MTMR4: variants seen among roughly 807,000 people sequenced by gnomAD.
The protein encoded by MTMR4 is myotubularin related protein 4.
MTMR4 carries 30 observed loss-of-function variants against 125.5 expected under a neutral mutation model. That is an observed-to-expected ratio of 0.24 (90% CI 0.18 to 0.32). The LOEUF is 0.32. MTMR4 is among the 10% of genes least tolerant of loss of function. MTMR4 has a pLI of 1.00. For missense variants in MTMR4, 1,039 were observed against 1,511.5 expected, an observed-to-expected ratio of 0.69 and a Z score of 5.18; for synonymous variants, 498 against 564.5, an observed-to-expected ratio of 0.88 and a Z score of 1.67.
upstream of MTMR4, among the ~76,000 whole-genome samples, chr17:58,517,301 A>G (rs750567891): frequency 2.0e-5 from 3 of 152,232 alleles, no homozygotes; most frequent in Non-Finnish European, 4.4e-5. Flanking sequence ...CAGGGATTTC[A>G]GGATAGGGCC....
intron 14 of MTMR4, among the ~76,000 whole-genome samples, chr17:58,497,459 C>T (rs988895119): frequency 5.9e-5 from 9 of 152,126 alleles, no homozygotes; most frequent in African/African-American, 2.2e-4. Flanking sequence ...AACTTCTCTA[C>T]GCCTCAGATC....
chr17:58,494,320 C>CAAAAAA (rs59888430), intron 15 of MTMR4, among the ~76,000 whole-genome samples: 2 of 88,964 alleles, frequency 2.2e-5, no homozygotes, highest in Non-Finnish European at 4.4e-5. Flanking sequence ...GACTCCGTCT[C>CAAAAAA]AAAAAAAAAA....
chr17:58,499,232 C>CT (rs778066614), intron 14 of MTMR4, among the ~76,000 whole-genome samples: 97 of 143,596 alleles, frequency 6.8e-4, no homozygotes, highest in South Asian at 1.8e-3. Flanking sequence ...CACAGAACTT[C>CT]TTTTTTTTTT....
chr17:58,512,882 C>T lies in MTMR4; in HGVS notation c.105G>A (p.Lys35=), dbSNP rs1450164174. 1.9e-6 allele frequency: 3 copies of T among 1,612,902 alleles called. No individual in the cohort carries two copies. In the South Asian group the frequency reaches 3.3e-5, roughly 18 times the overall value. ...GATTCTCTTCCTCCTTCACTAGTTC[C>T]TTGGGGGGGAACAGATCCTTGGCTT... ...YIQAKDLFPP[K]ELVKEEENLQ... Residue 35 remains lysine, a synonymous_variant, in exon 2 of 18, where the codon AAG becomes AAA. Coordinates refer to ENST00000682306, the MANE Select transcript of MTMR4 (RefSeq NM_001378067.1). This position sits in a 1 kb window ranked among gnomAD's most constrained non-coding sequence, Gnocchi z 4.1.
chr17:58,517,934 T>C (rs1451524004), upstream of MTMR4: 2 of 152,800 alleles, frequency 1.3e-5, no homozygotes, highest in African/African-American at 2.4e-5. Context: ...ACCAATCATA[T>C]CTCTAGCCTG....
At chr17:58,516,356 C>T (rs1308985577), upstream of MTMR4, among the ~76,000 whole-genome samples, 1 of 152,200 alleles carries the variant, frequency 6.6e-6, no homozygotes, top group Non-Finnish European at 1.5e-5. Context: ...GGGCCTAGCA[C>T]ATGCAGAAAA....
chr17:58,497,853 A>T (rs1475036396), intron 14 of MTMR4, among the ~76,000 whole-genome samples: 2 of 148,786 alleles, frequency 1.3e-5, no homozygotes, highest in Non-Finnish European at 3.0e-5. Flanking sequence ...AGTGGGGCCT[A>T]GGGATCTGTA....
chr17:58,498,455 T>C (rs1186180552), intron 14 of MTMR4, among the ~76,000 whole-genome samples: 1 of 146,078 alleles, frequency 6.8e-6, no homozygotes, highest in African/African-American at 2.5e-5. Flanking sequence ...GGATTTGAGA[T>C]GGGTATAGAA....
intron 9 of MTMR4, among the ~76,000 whole-genome samples, chr17:58,505,974 G>A (rs1313863940): frequency 6.6e-6 from 1 of 152,190 alleles, no homozygotes; most frequent in Non-Finnish European, 1.5e-5. Flanking sequence ...TGGTCCTGGT[G>A]GACAAAGCTT....
chr17:58,502,520 A>T (rs1434742508), intron 14 of MTMR4, among the ~76,000 whole-genome samples: 1 of 3,938 alleles, frequency 2.5e-4, no homozygotes, highest in Non-Finnish European at 3.5e-4. Context: ...CTGTAATGAT[A>T]AAAAAAAAAA....
At chr17:58,516,625 G>T, upstream of MTMR4, 1 of 1,613,162 alleles carries the variant, frequency 6.2e-7, no homozygotes, top group Non-Finnish European at 8.5e-7. Flanking sequence ...CTCACTGTAA[G>T]GAGACAGAGG....
At chr17:58,498,148 T>C (rs1975520892) in intron 14 of MTMR4, among the ~76,000 whole-genome samples, 1 of 151,986 alleles carries the variant, frequency 6.6e-6, no homozygotes, top group South Asian at 2.1e-4. Flanking sequence ...TGAGAATCGC[T>C]TGAACCTGGG....
Position 58,512,894 on chromosome 17 carries a change from C to G in MTMR4, c.93G>C (p.Leu31=). 2 of 1,612,106 alleles carry G rather than the reference C, an allele frequency of 1.2e-6. No individual in the cohort carries two copies. Among genetic ancestry groups the G allele is most frequent in the Non-Finnish European group, 1.7e-6 (2 of 1,179,264 alleles). The change falls in exon 2 of 18, where the codon CTG becomes CTC. Residue 31 remains leucine (L), a synonymous_variant. Coordinates refer to ENST00000682306, the MANE Select transcript of MTMR4 (RefSeq NM_001378067.1). This position sits in a 1 kb window ranked among gnomAD's most constrained non-coding sequence, Gnocchi z 4.1. ...PSLEYIQAKD[L]FPPKELVKEE... ...CCTTCACTAGTTCCTTGGGGGGGAA[C>G]AGATCCTTGGCTTGGATGTACTCCA...
Position 58,514,368 on chromosome 17 carries a change from A to C in MTMR4, c.40T>G (p.Cys14Gly). ...TARVSCSMLSCFGEEGPPSLE... is the reference protein window; with the variant it reads ...TARVSCSMLSGFGEEGPPSLE... ...AAGGCAGGGTGGGCACTTACGAAGC[A>C]GCTAAGCATGGAGCAGGAGACGCGG... The change falls in exon 1 of 18, where the codon TGC becomes GGC. Residue 14 changes from cysteine to glycine, a missense_variant. Transcript: ENST00000682306. 1.0e-6 allele frequency: 1 copy of C among 987,756 alleles called. No individual in the cohort carries two copies. The highest frequency in any genetic ancestry group is 1.2e-6 in the Non-Finnish European group (1 of 830,736). 61.2% of individuals were successfully genotyped at this position (987,756 alleles called of 1,614,324 possible). A position where few individuals can be genotyped will look rare whatever the true frequency, so the allele number is the denominator to read the frequency against.
intron 15 of MTMR4, among the ~76,000 whole-genome samples, chr17:58,494,513 GTC>G (rs1975400505): frequency 6.6e-6 from 1 of 152,062 alleles, no homozygotes; most frequent in Non-Finnish European, 1.5e-5. Context: ...CTATTTGACT[GTC>G]TCTCATAGCC....
In MTMR4 at chr17:58,512,409, A is replaced by G; in HGVS notation, c.233T>C (p.Phe78Ser). ...ACTCACGTTGATGACAGAGTCCTTG[A>G]ATTTGATATGCAGCCGGTAGTTAGA... ...AISNYRLHIK[F>S]KDSVINVPLR... is the part of the protein sequence containing the mutation. Residue 78 changes from phenylalanine (F) to serine (S), a missense_variant, in exon 3 of 18, where the codon TTC (phenylalanine) becomes TCC (serine). Phe to Ser is a radical substitution (Grantham distance 155). Around this residue, in one of 6 missense-constraint regions of MTMR4, gnomAD observed 202 missense variants for 311.9 expected, o/e 0.65. Transcript: ENST00000682306. This position sits in a 1 kb window ranked among gnomAD's most constrained non-coding sequence, Gnocchi z 4.1. 1 of 1,614,068 alleles carries G rather than the reference A, an allele frequency of 6.2e-7. No individual in the cohort carries two copies. Among genetic ancestry groups the G allele is most frequent in the Non-Finnish European group, 8.5e-7 (1 of 1,179,906 alleles).
intron 4 of MTMR4, among the ~76,000 whole-genome samples, chr17:58,509,547 T>C (rs569582586): frequency 6.6e-6 from 1 of 151,384 alleles, no homozygotes; most frequent in African/African-American, 2.4e-5. Flanking sequence ...GTCCCCTGAG[T>C]AGCTGAGACC....
Position 58,508,613 on chromosome 17 carries a change from A to C in MTMR4, c.497-49T>G. On this transcript the variant is annotated intron_variant, in intron 5 of 17. Coordinates refer to ENST00000682306, the MANE Select transcript of MTMR4 (RefSeq NM_001378067.1). This position sits in a 1 kb window ranked among gnomAD's most constrained non-coding sequence, Gnocchi z 4.8. ...TTAGCTTCCCAGAGCACCAATGTGC[A>C]GGAGTGGAGGAGGGATGAGAACTAA... The C allele has an allele frequency of 6.2e-7, 1 of 1,614,114 alleles. No individual in the cohort carries two copies. The highest frequency in any genetic ancestry group is 8.5e-7 in the Non-Finnish European group (1 of 1,179,934).
rs1266391404 is a variant in MTMR4, at chr17:58,504,855, G to A, written c.1265C>T (p.Ser422Leu). Residue 422 changes from serine (S) to leucine (L), a missense_variant, in exon 11 of 18, where the codon TCA becomes TTA. Ser to Leu is a moderately radical substitution (Grantham distance 145). Transcript: ENST00000682306. This position sits in a 1 kb window ranked among gnomAD's most constrained non-coding sequence, Gnocchi z 7.1. ...REGRPVLVHC[S>L]DGWDRTPQIV... ...CTGCGGTGTGCGGTCCCAGCCATCT[G>A]AGCAGTGTACCAGCACAGGCCGGCC... is the stretch of plus-strand genomic sequence containing the variant. 1 of 1,614,194 alleles carries A rather than the reference G, an allele frequency of 6.2e-7. No homozygotes were observed.
Sources: allele counts gnomAD v4.1 joint callset (sites outside exome capture counted in the v4.1 genomes callset), GRCh38; gene constraint gnomAD v4.1.1; regional missense constraint gnomAD v4.1.1; non-coding constraint Gnocchi (gnomAD v3.1); transcripts MANE v1.5; gene names NCBI Gene and HGNC (gene_info 2026-07-23, HGNC 2026-07-21).